Variants in STEAP1B observed in about 807,000 individuals in gnomAD.
STEAP1B encodes the protein STEAP family member 1B.
Under a neutral mutation model 27.9 loss-of-function variants are expected in STEAP1B, and 13 were observed. That is an observed-to-expected ratio of 0.47 (90% CI 0.30 to 0.74). STEAP1B has a LOEUF of 0.74. Ranked by LOEUF, STEAP1B falls within the 30% of genes least tolerant of loss-of-function variation. The pLI, the probability that STEAP1B is intolerant of heterozygous loss-of-function variation, is 0.06. For synonymous variants in STEAP1B, 86 were observed against 107.1 expected, an observed-to-expected ratio of 0.80 and a Z score of 1.22; for missense variants, 250 against 298.7, an observed-to-expected ratio of 0.84 and a Z score of 1.20.
intron 4 of STEAP1B, among the ~76,000 whole-genome samples, chr7:22,483,631 T>C (rs1412782480): frequency 6.6e-6 from 1 of 152,214 alleles, no homozygotes; most frequent in East Asian, 1.9e-4. Flanking sequence ...TTATCATTAT[T>C]GTATCTGTGA....
At chr7:22,423,222 G>T (rs930637430) in intron 4 of STEAP1B, among the ~76,000 whole-genome samples, 1 of 152,114 alleles carries the variant, frequency 6.6e-6, no homozygotes, top group Admixed American at 6.5e-5. Flanking sequence ...TTCTTAAAAC[G>T]TTAAGCATAA....
intron 4 of STEAP1B, among the ~76,000 whole-genome samples, chr7:22,426,929 A>T (rs1350662574): frequency 3.9e-5 from 6 of 152,216 alleles, no homozygotes; most frequent in Non-Finnish European, 5.9e-5. Flanking sequence ...TGAAGGAAGG[A>T]CTGCTGGATA....
chr7:22,454,857 A>AAATATAAATATATGTATG (rs1562572878), intron 4 of STEAP1B, among the ~76,000 whole-genome samples: 1 of 68,102 alleles, frequency 1.5e-5, no homozygotes, highest in Non-Finnish European at 2.6e-5. Context: ...ATGTATATAT[A>AAATATAAATATATGTATG]TATATATATT....
At chr7:22,495,046 T>C (rs1346172273) in intron 1 of STEAP1B, among the ~76,000 whole-genome samples, 160 bp from the exon 2 acceptor site, 1 of 152,262 alleles carries the variant, frequency 6.6e-6, no homozygotes, top group Admixed American at 6.5e-5. Context: ...CTTCATATTA[T>C]AATCTGTAAG....
intron 4 of STEAP1B, among the ~76,000 whole-genome samples, chr7:22,459,284 ACTT>A (rs1785639186): frequency 6.6e-6 from 1 of 152,208 alleles, no homozygotes; most frequent in South Asian, 2.1e-4. Context: ...TACCTTATAA[ACTT>A]CTTATTTGAT....
chr7:22,440,282 A>G (rs898190012), intron 4 of STEAP1B, among the ~76,000 whole-genome samples: 2 of 152,164 alleles, frequency 1.3e-5, no homozygotes, highest in Non-Finnish European at 2.9e-5. Flanking sequence ...TCTACTTTTA[A>G]TTGGATCAAT....
intron 4 of STEAP1B, among the ~76,000 whole-genome samples, chr7:22,445,258 G>A (rs949860169): frequency 6.6e-6 from 1 of 152,254 alleles, no homozygotes; most frequent in African/African-American, 2.4e-5. Flanking sequence ...CAGCAGATTT[G>A]GAGCCGTGGA....
At position 22,479,679 on chromosome 7, in the gene STEAP1B, C is replaced by CTTTTTTTTT. The variant is rs569050091; in HGVS notation, c.762+12877_762+12885dup. Among the ~76,000 whole-genome samples the CTTTTTTTTT allele has an allele frequency of 6.6e-4, 61 of 92,114 alleles. 4 individuals are homozygous for CTTTTTTTTT. Among genetic ancestry groups the CTTTTTTTTT allele is most frequent in the African/African-American group, 2.8e-3 (59 of 21,318 alleles). 60.4% of individuals were successfully genotyped at this position (92,114 alleles called of 152,430 possible). A position where few individuals can be genotyped will look rare whatever the true frequency, so the allele number is the denominator to read the frequency against. ...GACAGTAGCCACTAGTCATGTGTGG[C>CTTTTTTTTT]TTTTTTTTTTTTTTTTTTTTTCTGA... On this transcript the variant is annotated intron_variant, in intron 4 of 4. Coordinates refer to ENST00000678116, the MANE Select transcript of STEAP1B (RefSeq NM_001382447.1).
At chr7:22,436,540 C>T (rs1785256585) in intron 4 of STEAP1B, among the ~76,000 whole-genome samples, 1 of 143,118 alleles carries the variant, frequency 7.0e-6, no homozygotes, top group East Asian at 1.9e-4. Flanking sequence ...TCCTCTTCCT[C>T]CTCCCACCCT....
chr7:22,482,332 G>T (rs2128414045), intron 4 of STEAP1B, among the ~76,000 whole-genome samples: 1 of 152,188 alleles, frequency 6.6e-6, no homozygotes, highest in East Asian at 1.9e-4. Context: ...TTAAATTTAA[G>T]TTTTAGATAA....
intron 1 of STEAP1B, among the ~76,000 whole-genome samples, chr7:22,496,542 C>T (rs1786444857): frequency 6.6e-6 from 1 of 152,104 alleles, no homozygotes; most frequent in Non-Finnish European, 1.5e-5. Context: ...TACAAATATA[C>T]AATTTTTTAT....
At chr7:22,441,035 T>A (rs1171140897) in intron 4 of STEAP1B, among the ~76,000 whole-genome samples, 1 of 151,166 alleles carries the variant, frequency 6.6e-6, no homozygotes, top group Admixed American at 6.6e-5. Context: ...TAAAATATTT[T>A]TAATAAAAAT....
rs1357733722 is a variant in STEAP1B at position 22,419,845 on chromosome 7, C to CA, written c.763-10dup. ...TTGATCCTACCATGTACCTGGAAGGCAGACAGCAAGAAAGAGTTGATGTAT... is the reference window on the plus strand; with the variant it reads ...TTGATCCTACCATGTACCTGGAAGGCAAGACAGCAAGAAAGAGTTGATGTAT... On this transcript the variant is annotated splice_polypyrimidine_tract_variant and intron_variant, in intron 4 of 4. Coordinates refer to ENST00000678116, the MANE Select transcript of STEAP1B (RefSeq NM_001382447.1). 1 of 1,549,316 alleles carries CA rather than the reference C, an allele frequency of 6.5e-7. No homozygotes were observed. Among genetic ancestry groups the CA allele is most frequent in the African/African-American group, 1.4e-5 (1 of 73,068 alleles).
intron 4 of STEAP1B, among the ~76,000 whole-genome samples, chr7:22,489,137 G>A (rs1053915111): frequency 6.6e-6 from 1 of 152,176 alleles, no homozygotes; most frequent in Admixed American, 6.5e-5. Context: ...TCGCCTGCAC[G>A]TGACTTCACA....
chr7:22,472,903 C>T (rs73683431), intron 4 of STEAP1B, among the ~76,000 whole-genome samples: 1 of 152,118 alleles, frequency 6.6e-6, no homozygotes, highest in Admixed American at 6.5e-5. Flanking sequence ...TGGCATCCAA[C>T]CTTAGTTTCT....
At chr7:22,488,342 C>G (rs1431309969) in intron 4 of STEAP1B, among the ~76,000 whole-genome samples, 1 of 152,186 alleles carries the variant, frequency 6.6e-6, no homozygotes, top group African/African-American at 2.4e-5. Flanking sequence ...AGAGGAAGGG[C>G]TTTATCATCT....
At chr7:22,461,996 C>T (rs1442554909) in intron 4 of STEAP1B, among the ~76,000 whole-genome samples, 1 of 152,214 alleles carries the variant, frequency 6.6e-6, no homozygotes, top group South Asian at 2.1e-4. Context: ...GTTACCATTA[C>T]TGTGCTCTAC....
At chr7:22,481,722 T>C (rs530235922) in intron 4 of STEAP1B, among the ~76,000 whole-genome samples, 47 of 152,364 alleles carry the variant, frequency 3.1e-4, no homozygotes, top group African/African-American at 1.1e-3. Flanking sequence ...CAGGTCTACA[T>C]TTCAGTGCAC....
intron 4 of STEAP1B, among the ~76,000 whole-genome samples, chr7:22,441,960 T>G (rs1429618812): frequency 6.6e-6 from 1 of 152,244 alleles, no homozygotes; most frequent in Non-Finnish European, 1.5e-5. Context: ...TTTTCTTTCT[T>G]TAGTCAGCAG....
Sources: allele counts gnomAD v4.1 joint callset (sites outside exome capture counted in the v4.1 genomes callset), GRCh38; gene constraint gnomAD v4.1.1; transcripts MANE v1.5; gene names NCBI Gene and HGNC (gene_info 2026-07-23, HGNC 2026-07-21).